WDR27: variants seen among roughly 807,000 people sequenced by gnomAD.
WDR27 encodes the protein WD repeat-containing protein 27.
A neutral mutation model predicts 114.4 loss-of-function variants in WDR27; 100 were observed. The observed-to-expected ratio is 0.87, with a 90% CI of 0.74 to 1.03. The LOEUF is 1.03. Among genes scored for constraint, WDR27 ranks in the 50% least tolerant of loss-of-function variants. The pLI is 0.00. For synonymous variants in WDR27, 449 were observed against 423.1 expected (o/e 1.06, Z -0.75); for missense variants, 1,129 against 1,092.9 (o/e 1.03, Z -0.47).
chr6:169,630,970 C>A (rs1055194078), intron 21 of WDR27, among the ~76,000 whole-genome samples: 1 of 152,176 alleles, frequency 6.6e-6, no homozygotes, highest in Non-Finnish European at 1.5e-5. Context: ...TTATTAAATT[C>A]ATTTAAAAGA....
At chr6:169,655,662 C>T (rs746201323) in intron 13 of WDR27, among the ~76,000 whole-genome samples, 4 of 152,132 alleles carry the variant, frequency 2.6e-5, no homozygotes, top group African/African-American at 7.2e-5. Flanking sequence ...TGGAGACCCC[C>T]GAGGCTGGCG....
chr6:169,603,440 C>A (rs887110519), intron 22 of WDR27, among the ~76,000 whole-genome samples: 3 of 151,996 alleles, frequency 2.0e-5, no homozygotes, highest in African/African-American at 4.8e-5. Flanking sequence ...AGAGAAAAAT[C>A]ATCAAAGTAC....
intron 21 of WDR27, among the ~76,000 whole-genome samples, chr6:169,631,379 C>G (rs1816313039): frequency 1.3e-5 from 2 of 151,864 alleles, no homozygotes; most frequent in Admixed American, 6.6e-5. Flanking sequence ...GAAAAGCCTT[C>G]TCCTATTGAA....
At chr6:169,606,444 T>A (rs765683926) in intron 22 of WDR27, among the ~76,000 whole-genome samples, 1 of 152,166 alleles carries the variant, frequency 6.6e-6, no homozygotes, top group Non-Finnish European at 1.5e-5. Context: ...GCATCAGGTA[T>A]TTATCCTGAT....
chr6:169,446,867 C>T, the WDR27 span, among the ~76,000 whole-genome samples: 1 of 152,174 alleles, frequency 6.6e-6, no homozygotes, highest in Admixed American at 6.5e-5. Context: ...CCTGCTCTCA[C>T]GCTTAAGTGA....
chr6:169,586,304 T>C (rs1019394305), intron 23 of WDR27, among the ~76,000 whole-genome samples: 2 of 152,226 alleles, frequency 1.3e-5, no homozygotes, highest in Admixed American at 6.5e-5. Context: ...TGTTTCAGGG[T>C]TGATGGCCCG....
At chr6:169,573,342 T>A (rs1188043383) in intron 24 of WDR27, among the ~76,000 whole-genome samples, 1 of 152,136 alleles carries the variant, frequency 6.6e-6, no homozygotes, top group Non-Finnish European at 1.5e-5. Context: ...ATATGAAAAG[T>A]TTTTATATCA....
intron 6 of WDR27, 69 bp from the exon 7 acceptor site, chr6:169,665,625 G>A: frequency 7.1e-7 from 1 of 1,414,998 alleles, no homozygotes; most frequent in Non-Finnish European, 9.8e-7. Context: ...AGAACTGTCA[G>A]TTTTACTTAT....
At chr6:169,495,959 A>G (rs1242780173) in intron 25 of WDR27, among the ~76,000 whole-genome samples, 1 of 152,078 alleles carries the variant, frequency 6.6e-6, no homozygotes, top group Non-Finnish European at 1.5e-5. Context: ...CAAAGATTCC[A>G]AAAGAAAGGA....
intron 22 of WDR27, among the ~76,000 whole-genome samples, chr6:169,602,992 C>T (rs917477816): frequency 1.3e-5 from 2 of 151,904 alleles, no homozygotes; most frequent in East Asian, 1.9e-4. Flanking sequence ...CAGGCATTCA[C>T]CACCACACCC....
intron 1 of WDR27, among the ~76,000 whole-genome samples, chr6:169,696,371 A>G (rs1785974326): frequency 6.6e-6 from 1 of 152,202 alleles, no homozygotes; most frequent in Non-Finnish European, 1.5e-5. Flanking sequence ...GAAGCAAGAG[A>G]TCACATACAC....
chr6:169,670,154 G>A (rs1278956126), intron 4 of WDR27: 1 of 160,326 alleles, frequency 6.2e-6, no homozygotes, highest in Admixed American at 6.2e-5. Context: ...AAATCACACA[G>A]GCAGGAAGAG....
At chr6:169,675,150 C>T (rs1018462944) in intron 2 of WDR27, among the ~76,000 whole-genome samples, 2 of 152,184 alleles carry the variant, frequency 1.3e-5, no homozygotes, top group African/African-American at 2.4e-5. Context: ...CCAAATCCCA[C>T]GTTGAGATGT....
intron 21 of WDR27, among the ~76,000 whole-genome samples, chr6:169,624,540 C>T (rs1244434563): frequency 2.0e-5 from 3 of 152,190 alleles, no homozygotes; most frequent in African/African-American, 7.2e-5. Flanking sequence ...CCCCCTCAGC[C>T]CAGCCAGGGA....
chr6:169,474,726 C>A (rs1036395687), intron 25 of WDR27, among the ~76,000 whole-genome samples: 1 of 151,766 alleles, frequency 6.6e-6, no homozygotes, highest in African/African-American at 2.4e-5. Context: ...ATGAGAATTA[C>A]CCATAATTAA....
intron 25 of WDR27, among the ~76,000 whole-genome samples, chr6:169,565,705 C>T (rs1562593368): frequency 6.6e-6 from 1 of 152,200 alleles, no homozygotes; most frequent in African/African-American, 2.4e-5. Context: ...GATAGGGTCT[C>T]GCTCTGTTGC....
chr6:169,492,924 A>G (rs976404428), intron 25 of WDR27, among the ~76,000 whole-genome samples: 1 of 152,046 alleles, frequency 6.6e-6, no homozygotes, highest in Admixed American at 6.6e-5. Flanking sequence ...CATTAAGTAT[A>G]TAAATTAAAA....
chr6:169,566,566 G>C (rs1800534766), intron 25 of WDR27, among the ~76,000 whole-genome samples: 1 of 152,242 alleles, frequency 6.6e-6, no homozygotes, highest in Non-Finnish European at 1.5e-5. Context: ...TCACTGTTCT[G>C]TCATTTATTA....
chr6:169,626,568 C>G (rs182558771), intron 21 of WDR27, among the ~76,000 whole-genome samples: 217 of 152,280 alleles, frequency 1.4e-3, no homozygotes, highest in Non-Finnish European at 2.0e-3. Context: ...TTCAGAGGCC[C>G]CACAGACTAC....
Sources: gnomAD v4.1 joint callset for allele counts (sites outside exome capture counted in the v4.1 genomes callset) on GRCh38, gnomAD v4.1.1 for gene constraint, MANE v1.5 for transcripts, NCBI Gene and HGNC (gene_info 2026-07-23, HGNC 2026-07-21) for gene names.